Variants in CCDC73 observed in about 807,000 individuals in gnomAD.
CCDC73 encodes the protein coiled-coil domain containing 73, also known as coiled-coil domain-containing protein 73.
In CCDC73, 95 loss-of-function variants were observed where a neutral mutation model predicts 116.5. That is an observed-to-expected ratio of 0.82 (90% CI 0.69 to 0.97). CCDC73 has a LOEUF of 0.97. Among genes scored for constraint, CCDC73 ranks in the 50% least tolerant of loss-of-function variants. The probability of loss-of-function intolerance (pLI) is 0.00; values close to 1 mark genes in which losing one functional copy is unlikely to be tolerated. For synonymous variants in CCDC73, 398 were observed against 401.3 expected (o/e 0.99, Z 0.10); for missense variants, 1,066 against 1,206.8 (o/e 0.88, Z 1.73).
At chr11:32,819,357 G>T in the CCDC73 span, among the ~76,000 whole-genome samples, 2 of 151,736 alleles carry the variant, frequency 1.3e-5, no homozygotes, top group Non-Finnish European at 2.9e-5. Context: ...CCACAATCTT[G>T]GGATTACACT....
At chr11:32,764,342 A>C (rs1850420973) in intron 1 of CCDC73, among the ~76,000 whole-genome samples, 1 of 152,196 alleles carries the variant, frequency 6.6e-6, no homozygotes, top group Non-Finnish European at 1.5e-5. Context: ...TGAAGGAAAA[A>C]ATGTTAAGGG....
At chr11:32,607,108 T>C (rs1855362739) in intron 17 of CCDC73, among the ~76,000 whole-genome samples, 1 of 74,646 alleles carries the variant, frequency 1.3e-5, no homozygotes, top group African/African-American at 5.6e-5. Context: ...TTTTTTTTTT[T>C]TTGAGACGGA....
At chr11:32,609,451 A>T (rs556828664) in intron 17 of CCDC73, among the ~76,000 whole-genome samples, 1 of 152,294 alleles carries the variant, frequency 6.6e-6, no homozygotes, top group East Asian at 1.9e-4. Context: ...AGATTACCTC[A>T]GACTGGATTT....
intron 2 of CCDC73, among the ~76,000 whole-genome samples, chr11:32,734,425 CTTTTTTTT>C (rs34093038): frequency 7.6e-6 from 1 of 131,368 alleles, no homozygotes; most frequent in Non-Finnish European, 1.6e-5. Context: ...ATTTTTTTTT[CTTTTTTTT>C]TTTTTTTTTT....
intron 3 of CCDC73, among the ~76,000 whole-genome samples, chr11:32,714,323 A>G (rs1488567406): frequency 5.3e-5 from 8 of 152,092 alleles, no homozygotes; most frequent in Non-Finnish European, 1.2e-4. Context: ...AGTTTGCCCT[A>G]TGAAGTTGGC....
chr11:32,710,457 G>T (rs1438663440), intron 3 of CCDC73, among the ~76,000 whole-genome samples: 1 of 152,082 alleles, frequency 6.6e-6, no homozygotes, highest in Non-Finnish European at 1.5e-5. Flanking sequence ...GATCATTCAG[G>T]AGCCGGCTAT....
At chr11:32,759,959 C>T in intron 2 of CCDC73, 150 bp downstream of exon 2, 1 of 612,736 alleles carries the variant, frequency 1.6e-6, no homozygotes. Flanking sequence ...TTTACTTAAT[C>T]TGTCCTATTC....
upstream of CCDC73, among the ~76,000 whole-genome samples, chr11:32,795,063 C>A (rs1195866313): frequency 6.6e-6 from 1 of 152,006 alleles, no homozygotes; most frequent in Non-Finnish European, 1.5e-5. Context: ...CTGTGGGGAG[C>A]AATGGGAAGT....
intron 2 of CCDC73, among the ~76,000 whole-genome samples, chr11:32,722,700 A>G (rs886853982): frequency 1.3e-5 from 2 of 152,232 alleles, no homozygotes; most frequent in South Asian, 2.1e-4. Context: ...CTGAAAATGT[A>G]TAAGATACTG....
At chr11:32,752,555 T>C (rs1850295725) in intron 2 of CCDC73, among the ~76,000 whole-genome samples, 1 of 152,236 alleles carries the variant, frequency 6.6e-6, no homozygotes, top group South Asian at 2.1e-4. Context: ...TCCTGAAAAC[T>C]CCAGCCAATG....
chr11:32,812,304 G>A, the CCDC73 span, among the ~76,000 whole-genome samples: 1 of 152,208 alleles, frequency 6.6e-6, no homozygotes, highest in Admixed American at 6.5e-5. Flanking sequence ...AGGATCGCTT[G>A]AGGCCAGGAG....
chr11:32,697,883 G>T (rs911975547), intron 6 of CCDC73, among the ~76,000 whole-genome samples: 2 of 151,756 alleles, frequency 1.3e-5, no homozygotes, highest in African/African-American at 4.8e-5. Context: ...GGGGTTGGTT[G>T]TACAGATGAT....
intron 10 of CCDC73, 49 bp downstream of exon 10, chr11:32,654,795 G>C (rs1401940961): frequency 3.1e-6 from 4 of 1,282,672 alleles, no homozygotes; most frequent in Non-Finnish European, 3.2e-6. Flanking sequence ...ATTCTCATAA[G>C]TTTTATTGAA....
At chr11:32,767,338 G>T (rs535137297) in intron 1 of CCDC73, among the ~76,000 whole-genome samples, 38 of 152,158 alleles carry the variant, frequency 2.5e-4, no homozygotes, top group African/African-American at 5.8e-4. Flanking sequence ...GATTAAAGAC[G>T]TAAATGTTAG....
At chr11:32,714,576 G>A (rs930770428) in intron 3 of CCDC73, among the ~76,000 whole-genome samples, 4 of 152,034 alleles carry the variant, frequency 2.6e-5, no homozygotes, top group African/African-American at 9.7e-5. Context: ...CTAACCCCTG[G>A]GGAATAGATC....
intron 2 of CCDC73, among the ~76,000 whole-genome samples, chr11:32,755,855 G>GTATATATATCTTCATATATATACCTA (rs1181104991): frequency 7.8e-6 from 1 of 128,222 alleles, no homozygotes; most frequent in African/African-American, 2.9e-5. Context: ...ATATATGTGT[G>GTATATATATCTTCATATATATACCTA]TGTATATATC....
intron 2 of CCDC73, among the ~76,000 whole-genome samples, chr11:32,741,120 G>A (rs1850179738): frequency 6.6e-6 from 1 of 152,118 alleles, no homozygotes. Flanking sequence ...TGATCCATGT[G>A]CTGAGGAGAA....
chr11:32,670,438 C>A (rs1856027297), intron 9 of CCDC73, among the ~76,000 whole-genome samples: 1 of 151,498 alleles, frequency 6.6e-6, no homozygotes, highest in South Asian at 2.1e-4. Context: ...AGGAGAATGG[C>A]GTGAACCTGG....
At chr11:32,784,306 G>A (rs568851211) in intron 1 of CCDC73, among the ~76,000 whole-genome samples, 1 of 148,636 alleles carries the variant, frequency 6.7e-6, no homozygotes, top group East Asian at 2.0e-4. Context: ...TCCAGCCTAA[G>A]CAACAAGAGT....
Sources: allele counts gnomAD v4.1 joint callset (sites outside exome capture counted in the v4.1 genomes callset), GRCh38; gene constraint gnomAD v4.1.1; transcripts MANE v1.5; gene names NCBI Gene and HGNC (gene_info 2026-07-23, HGNC 2026-07-21).